The following DHX15 variants were observed in gnomAD, a reference collection of about 807,000 sequenced individuals.
The protein encoded by DHX15 is ATP-dependent RNA helicase DHX15.
DHX15 carries 11 observed loss-of-function variants against 94.4 expected under a neutral mutation model. The ratio of observed to expected loss-of-function variants is 0.12; its 90% CI spans 0.07 to 0.19. The LOEUF (loss-of-function observed/expected upper bound fraction) is 0.19, where lower values mean the gene tolerates loss of function less well. Ranked by LOEUF, DHX15 falls within the 10% of genes least tolerant of loss-of-function variation. The pLI, the probability that DHX15 is intolerant of heterozygous loss-of-function variation, is 1.00. For missense variants in DHX15, 304 were observed against 988.5 expected (o/e 0.31, Z 9.29); for synonymous variants, 338 against 329.9 (o/e 1.02, Z -0.27).
At chr4:24,535,777 A>C (rs576965067) in intron 11 of DHX15, among the ~76,000 whole-genome samples, 30 of 152,126 alleles carry the variant, frequency 2.0e-4, no homozygotes, top group Middle Eastern at 3.2e-3. Context: ...AAGACAAATA[A>C]ATTCACCATC....
At chr4:24,534,098 T>C (rs1196239355) in intron 11 of DHX15, 1 of 152,232 alleles carries the variant, frequency 6.6e-6, no homozygotes, top group Admixed American at 6.5e-5. Flanking sequence ...AATAGATTTT[T>C]GAATTAAAGA....
At position 24,584,358 on chromosome 4, in the gene DHX15, A is replaced by G. The variant is rs1411243168; in HGVS notation, c.36T>C (p.Asp12=). The change falls in exon 1 of 14, where the codon GAT becomes GAC. Residue 12 remains aspartate (D), a synonymous_variant. Transcript: ENST00000336812. ...CCGCACGCTTCTTGCCAGAGGGGTAATCCTCCCCTAGGTCCAACCGGTGCC... is the reference window on the plus strand; with the variant it reads ...CCGCACGCTTCTTGCCAGAGGGGTAGTCCTCCCCTAGGTCCAACCGGTGCC... ...SKRHRLDLGE[D]YPSGKKRAGT... The G allele has an allele frequency of 1.9e-6, 3 of 1,613,082 alleles. No homozygotes were observed. Among genetic ancestry groups the G allele is most frequent in the African/African-American group, 1.3e-5 (1 of 74,920 alleles).
At chr4:24,551,131 G>A (rs1721593943) in intron 5 of DHX15, among the ~76,000 whole-genome samples, 1 of 152,208 alleles carries the variant, frequency 6.6e-6, no homozygotes, top group Admixed American at 6.5e-5. Context: ...ATGTATGATA[G>A]CTCTGGGAGA....
intron 11 of DHX15, 146 bp from the exon 12 acceptor site, chr4:24,533,200 A>G (rs1157244264): frequency 2.8e-6 from 2 of 709,940 alleles, no homozygotes; most frequent in East Asian, 5.3e-5. Context: ...AATGAACTGC[A>G]ATGTTACCAA....
Position 24,556,978 on chromosome 4 carries a change from T to G in DHX15, c.702-568A>C, listed in dbSNP as rs185164030. Among the ~76,000 whole-genome samples, 77 of 152,052 alleles carry G rather than the reference T, an allele frequency of 5.1e-4. 1 individual carries two copies. In the East Asian group the frequency reaches 0.013, roughly 26 times the overall value. ...AAAAGGAATTCAATAATAAAAGAAG[T>G]GGGACTGAGGGGCAGCATCAACACT... On this transcript the variant is annotated intron_variant, in intron 3 of 13. Transcript: ENST00000336812.
intron 13 of DHX15, among the ~76,000 whole-genome samples, chr4:24,528,665 A>T (rs1721011855): frequency 6.6e-6 from 1 of 152,204 alleles, no homozygotes; most frequent in Admixed American, 6.5e-5. Flanking sequence ...CTCTTGGCTG[A>T]CATTTCCTGT....
Position 24,532,966 on chromosome 4 carries a change from T to C in DHX15, c.1998A>G (p.Arg666=). 1 of 1,614,062 alleles carries C rather than the reference T, an allele frequency of 6.2e-7. No individual in the cohort carries two copies. The highest frequency in any genetic ancestry group is 8.5e-7 in the Non-Finnish European group (1 of 1,179,964). The change falls in exon 12 of 14, where the codon CGA becomes CGG. Residue 666 remains arginine, a synonymous_variant. Transcript: ENST00000336812. Reference sequence around the variant, plus strand: ...GAGGCAAATTAAATCTGTCCATAATTCGAGATAGCTGCTGGCGTACATTGT... The same window carrying C: ...GAGGCAAATTAAATCTGTCCATAATCCGAGATAGCTGCTGGCGTACATTGT... ...SADNVRQQLS[R]IMDRFNLPRR... is the part of the protein sequence containing the mutation.
chr4:24,547,921 A>G (rs747570156), intron 6 of DHX15, among the ~76,000 whole-genome samples: 29,485 of 89,094 alleles, frequency 0.33, 3,948 homozygotes, highest in East Asian at 0.5. Flanking sequence ...ATATATATAT[A>G]TATATATATA....
At chr4:24,570,068 A>C (rs1275760250) in intron 3 of DHX15, among the ~76,000 whole-genome samples, 1 of 152,250 alleles carries the variant, frequency 6.6e-6, no homozygotes. Flanking sequence ...ATGCAAGTAT[A>C]AGACAATAAA....
intron 1 of DHX15, chr4:24,581,035 AT>A (rs201573984): frequency 0.084 from 12,108 of 143,894 alleles, 519 homozygotes; most frequent in African/African-American, 0.13. Context: ...ATTTTTTATT[AT>A]TTTTTTTTTT....
At chr4:24,559,382 A>AG (rs1721813343) in intron 3 of DHX15, among the ~76,000 whole-genome samples, 1 of 141,662 alleles carries the variant, frequency 7.1e-6, no homozygotes, top group Non-Finnish European at 1.6e-5. Flanking sequence ...CACTAAAAAA[A>AG]AAAAAAAAAA....
intron 6 of DHX15, among the ~76,000 whole-genome samples, chr4:24,546,803 G>C (rs892054073): frequency 5.1e-4 from 77 of 152,206 alleles, no homozygotes; most frequent in African/African-American, 1.8e-3. Context: ...CAATTAATTT[G>C]ATGGAAATTA....
At chr4:24,584,219 G>GGCTCGGGCTCCAGGACCC in intron 1 of DHX15, 104 bp downstream of exon 1, 2 of 1,205,264 alleles carry the variant, frequency 1.7e-6, no homozygotes, top group Non-Finnish European at 1.2e-6. Flanking sequence ...GAGAAACAAA[G>GGCTCGGGCTCCAGGACCC]GCTCGGGCTC....
intron 3 of DHX15, among the ~76,000 whole-genome samples, chr4:24,557,520 G>A (rs1721763814): frequency 6.6e-6 from 1 of 150,984 alleles, no homozygotes; most frequent in Admixed American, 6.6e-5. Context: ...ACAACAAAAA[G>A]AAGTGAATTC....
At chr4:24,566,302 T>C (rs959180125) in intron 3 of DHX15, among the ~76,000 whole-genome samples, 8 of 152,020 alleles carry the variant, frequency 5.3e-5, no homozygotes, top group African/African-American at 1.7e-4. Context: ...TCCCAAAGTG[T>C]TGGGACTACA....
rs570558752 is a variant in DHX15 at position 24,536,077 on chromosome 4, C to T, written c.1909+974G>A. 3.3e-5 allele frequency among the ~76,000 whole-genome samples: 5 copies of T among 151,984 alleles called. No homozygotes were observed. The South Asian group carries it at 1.0e-3, about 32-fold the overall frequency. The stretch of plus-strand genomic sequence containing the variant: ...TCTCCTTTAAATTTATTAAGGTTTC[C>T]TCTCAATTTTTGCAAATGGTACATT... On this transcript the variant is annotated intron_variant, in intron 11 of 13. Coordinates refer to ENST00000336812, the MANE Select transcript of DHX15 (RefSeq NM_001358.3).
chr4:24,551,050 T>C (rs1204705534), intron 5 of DHX15, among the ~76,000 whole-genome samples: 1 of 152,144 alleles, frequency 6.6e-6, no homozygotes, highest in Non-Finnish European at 1.5e-5. Context: ...CACATGACTA[T>C]ATTCTAACAC....
intron 3 of DHX15, among the ~76,000 whole-genome samples, chr4:24,563,624 A>G (rs1336370557): frequency 6.6e-6 from 1 of 152,212 alleles, no homozygotes; most frequent in African/African-American, 2.4e-5. Flanking sequence ...GATTTAAAAC[A>G]TAATTTTTTT....
rs140538027 is a variant in DHX15 at position 24,553,054 on chromosome 4, G to A, written c.1080+1671C>T. ...AAATAAAAATATGGCCAGGTGCAGT[G>A]GCTCACGCCTGTAATCCCAGCACTT... On this transcript the variant is annotated intron_variant, in intron 5 of 13. Coordinates refer to ENST00000336812, the MANE Select transcript of DHX15 (RefSeq NM_001358.3). Among the ~76,000 whole-genome samples, 611 of 152,344 alleles carry A rather than the reference G, an allele frequency of 4.0e-3. 4 individuals carry two copies. Among genetic ancestry groups the A allele is most frequent in the African/African-American group, 0.014 (568 of 41,574 alleles).
Sources: allele counts gnomAD v4.1 joint callset (sites outside exome capture counted in the v4.1 genomes callset), GRCh38; gene constraint gnomAD v4.1.1; transcripts MANE v1.5; gene names NCBI Gene and HGNC (gene_info 2026-07-23, HGNC 2026-07-21).